ANO10: variants seen among roughly 807,000 people sequenced by gnomAD.
ANO10 encodes anoctamin 10.
In ANO10, 77 loss-of-function variants were observed where a neutral mutation model predicts 74.7. The ratio of observed to expected loss-of-function variants is 1.03; its 90% confidence interval spans 0.86 to 1.25. The LOEUF (loss-of-function observed/expected upper bound fraction) is 1.25. Ranked by LOEUF, ANO10 falls within the 50% of genes most tolerant of loss-of-function variation. The pLI, the probability that ANO10 is intolerant of heterozygous loss-of-function variation, is 0.00. For synonymous variants in ANO10, 279 were observed against 284.9 expected (o/e 0.98, Z 0.21); for missense variants, 721 against 778.1 (o/e 0.93, Z 0.87).
At chr3:43,630,148 G>A (rs1174370379) in intron 1 of ANO10, among the ~76,000 whole-genome samples, 6 of 152,190 alleles carry the variant, frequency 3.9e-5, no homozygotes, top group Non-Finnish European at 8.8e-5. Context: ...TCTGCCATAT[G>A]TTGATGCTAG....
intron 1 of ANO10, among the ~76,000 whole-genome samples, chr3:43,651,519 T>G (rs2083787106): frequency 6.6e-6 from 1 of 152,176 alleles, no homozygotes; most frequent in African/African-American, 2.4e-5. Flanking sequence ...GGGAGTATTT[T>G]TTTCTAGCTA....
intron 1 of ANO10, among the ~76,000 whole-genome samples, chr3:43,620,948 A>C (rs1390843693): frequency 6.6e-6 from 1 of 152,178 alleles, no homozygotes; most frequent in African/African-American, 2.4e-5. Flanking sequence ...CGAATTTTAA[A>C]CTGTTTATCA....
chr3:43,506,304 T>G (rs1428185074), intron 11 of ANO10, among the ~76,000 whole-genome samples: 7 of 152,254 alleles, frequency 4.6e-5, no homozygotes, highest in Admixed American at 1.3e-4. Flanking sequence ...TATTTTGCAT[T>G]GAAAATCTAT....
At position 43,366,344 on chromosome 3, in the gene ANO10, G is replaced by A; in HGVS notation, c.*562C>T. The stretch of plus-strand genomic sequence containing the variant: ...ACCTATGTAGGCAGAAGGAGTCAGA[G>A]AGGTTGCCTTTAATAGCTCAGTTAC... On this transcript the variant is annotated 3_prime_UTR_variant, in exon 13 of 13. Coordinates refer to ENST00000292246, the MANE Select transcript of ANO10 (RefSeq NM_018075.5). 1 of 176,476 alleles carries A rather than the reference G, an allele frequency of 5.7e-6. No individual in the cohort carries two copies. Among genetic ancestry groups the A allele is most frequent in the African/African-American group, 2.4e-5 (1 of 42,332 alleles). The allele number at this position is 176,476 out of a possible 1,614,324, so 10.9% of individuals were successfully genotyped here.
intron 1 of ANO10, among the ~76,000 whole-genome samples, chr3:43,679,017 C>T (rs930742753): frequency 2.5e-4 from 38 of 152,194 alleles, no homozygotes; most frequent in Admixed American, 1.8e-3. Flanking sequence ...GCATGAGTGA[C>T]GCAGAAGACG....
At chr3:43,414,843 T>C (rs1366670402) in intron 12 of ANO10, among the ~76,000 whole-genome samples, 1 of 152,186 alleles carries the variant, frequency 6.6e-6, no homozygotes, top group Non-Finnish European at 1.5e-5. Flanking sequence ...TTGTGTTACT[T>C]ATACCCATGT....
intron 7 of ANO10, among the ~76,000 whole-genome samples, chr3:43,573,714 A>G: frequency 6.6e-6 from 1 of 152,196 alleles, no homozygotes; most frequent in East Asian, 1.9e-4. Flanking sequence ...AGCTTTTAAC[A>G]AACAGCAAGC....
intron 12 of ANO10, among the ~76,000 whole-genome samples, chr3:43,419,054 T>C (rs2092783200): frequency 6.6e-6 from 1 of 152,246 alleles, no homozygotes; most frequent in Non-Finnish European, 1.5e-5. Context: ...AGAGAATCTG[T>C]TTCCAAGATC....
At chr3:43,367,975 G>A (rs1055564754) in intron 12 of ANO10, among the ~76,000 whole-genome samples, 6 of 152,196 alleles carry the variant, frequency 3.9e-5, no homozygotes, top group Non-Finnish European at 8.8e-5. Context: ...GTGGCTTTCA[G>A]TGGGAGAAGC....
At chr3:43,522,852 T>A (rs1327830319) in intron 11 of ANO10, among the ~76,000 whole-genome samples, 1 of 152,208 alleles carries the variant, frequency 6.6e-6, no homozygotes, top group Non-Finnish European at 1.5e-5. Flanking sequence ...CCACAGCTAC[T>A]GTCAGCTGAG....
chr3:43,618,925 C>A (rs938243400), intron 1 of ANO10, among the ~76,000 whole-genome samples: 4 of 152,132 alleles, frequency 2.6e-5, no homozygotes, highest in African/African-American at 9.7e-5. Flanking sequence ...CCTCAGCCTC[C>A]CGAGTAGCTG....
intron 12 of ANO10, among the ~76,000 whole-genome samples, chr3:43,420,378 G>A (rs1465665594): frequency 2.4e-4 from 36 of 152,072 alleles, no homozygotes; most frequent in Admixed American, 2.2e-3. Flanking sequence ...CCCAGGAGGT[G>A]CAGGTTGCAG....
intron 12 of ANO10, among the ~76,000 whole-genome samples, chr3:43,380,277 A>C (rs1018608954): frequency 6.6e-6 from 1 of 152,246 alleles, no homozygotes; most frequent in African/African-American, 2.4e-5. Flanking sequence ...ATAATTGAGG[A>C]AAACTTCTCC....
At chr3:43,419,561 T>C (rs975037458) in intron 12 of ANO10, among the ~76,000 whole-genome samples, 3 of 151,846 alleles carry the variant, frequency 2.0e-5, no homozygotes, top group African/African-American at 4.8e-5. Flanking sequence ...TCTTGCTCTG[T>C]TGCCCAGGCT....
intron 11 of ANO10, among the ~76,000 whole-genome samples, chr3:43,542,485 G>A (rs2079001223): frequency 6.6e-6 from 1 of 152,200 alleles, no homozygotes; most frequent in Non-Finnish European, 1.5e-5. Context: ...AGAGCTGACA[G>A]AGTCATATGA....
rs1453727279 is a variant in ANO10 at position 43,372,711 on chromosome 3, T to C, written c.1915-5737A>G. Reference sequence around the variant, plus strand: ...TTGTTTGCAGATTTTTTTTCTGTCTTAAATGTTCTATCCTACCTGGTATGT... The same window carrying C: ...TTGTTTGCAGATTTTTTTTCTGTCTCAAATGTTCTATCCTACCTGGTATGT... On this transcript the variant is annotated intron_variant, in intron 12 of 12. Coordinates refer to ENST00000292246, the MANE Select transcript of ANO10 (RefSeq NM_018075.5). 4 of 771,720 alleles carry C rather than the reference T, an allele frequency of 5.2e-6. No homozygotes were observed. In the East Asian group the frequency reaches 8.2e-5, roughly 16 times the overall value. 47.8% of individuals were successfully genotyped at this position (771,720 alleles called of 1,614,324 possible).
intron 7 of ANO10, among the ~76,000 whole-genome samples, chr3:43,570,426 T>G (rs2080639012): frequency 6.6e-6 from 1 of 151,212 alleles, no homozygotes. Context: ...CTACCTGACT[T>G]CAAACTATAC....
intron 11 of ANO10, among the ~76,000 whole-genome samples, chr3:43,535,774 T>G (rs1359157455): frequency 6.6e-6 from 1 of 152,134 alleles, no homozygotes; most frequent in Non-Finnish European, 1.5e-5. Context: ...AAATCCAAAT[T>G]CCATTAATCT....
chr3:43,568,225 CATT>C (rs2080481471), intron 7 of ANO10, among the ~76,000 whole-genome samples: 2 of 152,248 alleles, frequency 1.3e-5, no homozygotes, highest in South Asian at 4.1e-4. Context: ...GACTCCCACA[CATT>C]AATAATGGGA....
Sources: allele counts gnomAD v4.1 joint callset (sites outside exome capture counted in the v4.1 genomes callset), GRCh38; gene constraint gnomAD v4.1.1; transcripts MANE v1.5; gene names NCBI Gene and HGNC (gene_info 2026-07-23, HGNC 2026-07-21).